The following MYOZ1 variants were observed in gnomAD, a reference collection of about 807,000 sequenced individuals.
The protein encoded by MYOZ1 is myozenin-1.
Under a neutral mutation model 28.7 loss-of-function variants are expected in MYOZ1, and 20 were observed. That is an observed-to-expected ratio of 0.70 (90% CI 0.49 to 1.01). MYOZ1 has a LOEUF of 1.01. MYOZ1 is among the 50% of genes least tolerant of loss of function. The pLI, the probability that MYOZ1 is intolerant of heterozygous loss-of-function variation, is 0.00. For missense variants in MYOZ1, 371 were observed against 372.4 expected (o/e 1.00, Z 0.03); for synonymous variants, 144 against 145.8 (o/e 0.99, Z 0.09).
Position 73,634,608 on chromosome 10 carries a change from C to G in MYOZ1, c.378G>C (p.Gln126His). Residue 126 changes from glutamine to histidine, a missense_variant, in exon 4 of 6, where the codon CAG becomes CAC. Physicochemically the swap from Gln to His is conservative, Grantham distance 24. Coordinates refer to ENST00000359322, the MANE Select transcript of MYOZ1 (RefSeq NM_021245.4). ...GATGGTGCTGCTGATCAGAGCCATA[C>G]TGTCCGGCAGAGCCACTGCCCCCTG... is the stretch of plus-strand genomic sequence containing the variant. ...SQAGGSGSAG[Q>H]YGSDQQHHLG... 1 of 1,614,170 alleles carries G rather than the reference C, an allele frequency of 6.2e-7. No individual in the cohort carries two copies. The highest frequency in any genetic ancestry group is 1.3e-5 in the African/African-American group (1 of 75,044).
At chr10:73,632,902 A>C (rs1303409322) in intron 5 of MYOZ1, among the ~76,000 whole-genome samples, 4 of 152,142 alleles carry the variant, frequency 2.6e-5, no homozygotes, top group Non-Finnish European at 5.9e-5. Context: ...TTAGGACCAA[A>C]TACAAGAGTA....
intron 2 of MYOZ1, 56 bp from the exon 3 acceptor site, chr10:73,637,978 G>C: frequency 1.3e-6 from 2 of 1,534,534 alleles, no homozygotes; most frequent in Admixed American, 1.9e-5. Flanking sequence ...GGGTTTTCTG[G>C]GCTCAGAATG....
chr10:73,640,539 A>T (rs891754212), intron 1 of MYOZ1, among the ~76,000 whole-genome samples: 1 of 152,190 alleles, frequency 6.6e-6, no homozygotes, highest in Admixed American at 6.5e-5. Context: ...GTATAGATGC[A>T]CACCAGCCCC....
At chr10:73,633,545 A>G (rs186355052) in intron 5 of MYOZ1, among the ~76,000 whole-genome samples, 18 of 152,212 alleles carry the variant, frequency 1.2e-4, no homozygotes, top group African/African-American at 4.1e-4. Context: ...CCTGGGCGAT[A>G]TAGCGAGACC....
chr10:73,635,549 T>C (rs1431817537), intron 3 of MYOZ1, among the ~76,000 whole-genome samples: 1 of 151,204 alleles, frequency 6.6e-6, no homozygotes, highest in African/African-American at 2.4e-5. Context: ...CCAGCTAAAT[T>C]TTGTATTTTT....
chr10:73,637,583 C>A (rs2081674718), intron 3 of MYOZ1, among the ~76,000 whole-genome samples, 161 bp downstream of exon 3: 1 of 152,114 alleles, frequency 6.6e-6, no homozygotes, highest in Non-Finnish European at 1.5e-5. Flanking sequence ...TGGGCTGTAA[C>A]TCACCCTGGA....
chr10:73,640,149 A>T lies in MYOZ1; in HGVS notation c.-18-114T>A, dbSNP rs182375017. ...TTTAAGGGCTTGAGGGGACAAAAAA[A>T]TTTTTTTTTCTTTTTTAGAGACAGG... On this transcript the variant is annotated intron_variant, in intron 1 of 5. Coordinates refer to ENST00000359322, the MANE Select transcript of MYOZ1 (RefSeq NM_021245.4). The T allele has an allele frequency of 3.9e-3, 3,141 of 803,264 alleles. 17 individuals are homozygous for T. The highest frequency in any genetic ancestry group is 0.017 in the Middle Eastern group (42 of 2,492). 49.8% of individuals were successfully genotyped at this position (803,264 alleles called of 1,614,324 possible).
At chr10:73,637,652 G>A (rs2081675158) in intron 3 of MYOZ1, 92 bp downstream of exon 3, 2 of 1,216,114 alleles carry the variant, frequency 1.6e-6, no homozygotes, top group East Asian at 4.8e-5. Context: ...TCAGGGAGGG[G>A]ATGTTGACTG....
At chr10:73,639,884 A>C in intron 2 of MYOZ1, 61 bp downstream of exon 2, 1 of 1,513,498 alleles carries the variant, frequency 6.6e-7, no homozygotes, top group Non-Finnish European at 9.2e-7. Flanking sequence ...TATTTCTGGG[A>C]CTCTTGGTTT....
At chr10:73,636,492 C>T (rs948358773) in intron 3 of MYOZ1, among the ~76,000 whole-genome samples, 2 of 151,998 alleles carry the variant, frequency 1.3e-5, no homozygotes, top group Non-Finnish European at 2.9e-5. Context: ...TCTCTGTCAC[C>T]CAGGCTGGAG....
chr10:73,634,701 C>T lies in MYOZ1; in HGVS notation c.285G>A (p.Gly95=). 6.2e-7 allele frequency: 1 copy of T among 1,613,990 alleles called. No homozygotes were observed. The highest frequency in any genetic ancestry group is 1.6e-4 in the Middle Eastern group (1 of 6,062). The change falls in exon 4 of 6, where the codon GGG becomes GGA. Residue 95 remains glycine (G), a synonymous_variant. Transcript: ENST00000359322. Reference sequence around the variant, plus strand: ...CCTGACCAGCTGTGCCCAGCTGTCCCCCCACTGTTGGAAGGAACTTCTGGA... The same window carrying T: ...CCTGACCAGCTGTGCCCAGCTGTCCTCCCACTGTTGGAAGGAACTTCTGGA... ...DHFQKFLPTV[G]GQLGTAGQGF...
chr10:73,640,118 C>A, intron 1 of MYOZ1, 83 bp from the exon 2 acceptor site: 1 of 1,237,616 alleles, frequency 8.1e-7, no homozygotes, highest in Non-Finnish European at 1.2e-6. Context: ...CACTTCTTAA[C>A]CTGGGTTTAA....
At chr10:73,638,965 C>CTT (rs71482555) in intron 2 of MYOZ1, among the ~76,000 whole-genome samples, 112 of 99,372 alleles carry the variant, frequency 1.1e-3, no homozygotes, top group African/African-American at 3.6e-3. Context: ...CACGCCTGGA[C>CTT]TTTTTTTTTT....
chr10:73,638,025 T>C lies in MYOZ1; in HGVS notation c.74-103A>G. 14 of 1,071,666 alleles carry C rather than the reference T, an allele frequency of 1.3e-5. No homozygotes were observed. The South Asian group carries it at 2.2e-4, about 17-fold the overall frequency. 66.4% of individuals were successfully genotyped at this position (1,071,666 alleles called of 1,614,324 possible). On this transcript the variant is annotated intron_variant, in intron 2 of 5. Transcript: ENST00000359322. Reference sequence around the variant, plus strand: ...CACAACTAAGTGTGTATGTGTGTCCTGGCAGAGGTCATTTAGGGGAACAAA... The same window carrying C: ...CACAACTAAGTGTGTATGTGTGTCCCGGCAGAGGTCATTTAGGGGAACAAA...
Position 73,632,068 on chromosome 10 carries a change from G to A in MYOZ1, c.762C>T (p.Pro254=). ...KFDLGPLLSE[P]LVLYNQNLSN... Reference sequence around the variant, plus strand: ...AGAGGTTTTGGTTGTAGAGGACCAGGGGTTCACTCAGCAAGGGCCCCAGGT... The same window carrying A: ...AGAGGTTTTGGTTGTAGAGGACCAGAGGTTCACTCAGCAAGGGCCCCAGGT... Residue 254 remains proline, a synonymous_variant, in exon 6 of 6, where the codon CCC becomes CCT. Coordinates refer to ENST00000359322, the MANE Select transcript of MYOZ1 (RefSeq NM_021245.4). 9 of 1,614,164 alleles carry A rather than the reference G, an allele frequency of 5.6e-6. No individual in the cohort carries two copies. The highest frequency in any genetic ancestry group is 7.6e-6 in the Non-Finnish European group (9 of 1,180,042).
chr10:73,632,816 C>A (rs943376425), intron 5 of MYOZ1, among the ~76,000 whole-genome samples: 6 of 151,672 alleles, frequency 4.0e-5, no homozygotes, highest in African/African-American at 1.5e-4. Context: ...ATATAGAGAC[C>A]CCCTCTCTCC....
At chr10:73,632,966 G>C (rs192657057) in intron 5 of MYOZ1, among the ~76,000 whole-genome samples, 7 of 152,102 alleles carry the variant, frequency 4.6e-5, no homozygotes, top group African/African-American at 1.7e-4. Flanking sequence ...ATGGGCTAGA[G>C]AAGCCTAATT....
intron 2 of MYOZ1, among the ~76,000 whole-genome samples, chr10:73,638,533 C>T (rs1257298200): frequency 1.3e-5 from 2 of 151,636 alleles, no homozygotes; most frequent in African/African-American, 4.8e-5. Context: ...GGGGTTTCAC[C>T]ATGTTGGCCA....
At position 73,631,763 on chromosome 10, in the gene MYOZ1, G is replaced by A. The variant is rs2081636184; in HGVS notation, c.*167C>T. 3.2e-6 allele frequency: 2 copies of A among 623,206 alleles called. No homozygotes were observed. Among genetic ancestry groups the A allele is most frequent in the African/African-American group, 1.8e-5 (1 of 54,400 alleles). The allele number at this position is 623,206 out of a possible 1,614,324, so 38.6% of individuals were successfully genotyped here. On this transcript the variant is annotated 3_prime_UTR_variant, in exon 6 of 6. Transcript: ENST00000359322. ...GGGGAGCTCTGAGTTGGTGAGGAAG[G>A]ATGCGTGGAGTGGGGACTTGGAGTA... is the stretch of plus-strand genomic sequence containing the variant.
Sources: allele counts gnomAD v4.1 joint callset (sites outside exome capture counted in the v4.1 genomes callset), GRCh38; gene constraint gnomAD v4.1.1; transcripts MANE v1.5; gene names NCBI Gene and HGNC (gene_info 2026-07-23, HGNC 2026-07-21).